Variants in RXFP1 observed in about 807,000 individuals in gnomAD.
RXFP1 encodes the protein relaxin receptor 1.
In RXFP1, 73 loss-of-function variants were observed where a neutral mutation model predicts 89.8. That is an observed-to-expected ratio of 0.81 (90% CI 0.67 to 0.99). RXFP1 has a LOEUF of 0.99. RXFP1 is among the 50% of genes least tolerant of loss of function. The pLI, the probability that RXFP1 is intolerant of heterozygous loss-of-function variation, is 0.00. For missense variants in RXFP1, 793 were observed against 895.5 expected (o/e 0.89, Z 1.46); for synonymous variants, 277 against 305.5 (o/e 0.91, Z 0.97).
intron 14 of RXFP1, 52 bp from the exon 15 acceptor site, chr4:158,644,857 G>A: frequency 8.4e-7 from 1 of 1,196,634 alleles, no homozygotes; most frequent in Non-Finnish European, 1.2e-6. Flanking sequence ...TGAATGTATG[G>A]TGACACTGAA....
chr4:158,595,456 C>A (rs1452703196), intron 3 of RXFP1, among the ~76,000 whole-genome samples: 3 of 152,108 alleles, frequency 2.0e-5, no homozygotes, highest in Non-Finnish European at 4.4e-5. Context: ...TTTCGTAAAA[C>A]CATTTAAGAT....
intron 12 of RXFP1, 68 bp downstream of exon 12, chr4:158,633,544 A>G (rs1768527954): frequency 6.0e-6 from 6 of 993,604 alleles, no homozygotes; most frequent in South Asian, 4.6e-5. Flanking sequence ...TAAAATATGC[A>G]TAACATAAAA....
intron 12 of RXFP1, among the ~76,000 whole-genome samples, chr4:158,636,308 A>G (rs978992385): frequency 7.2e-5 from 11 of 152,218 alleles, no homozygotes; most frequent in Admixed American, 5.2e-4. Flanking sequence ...ATTGTAAAAT[A>G]TATGATATAT....
At chr4:158,607,699 A>C (rs1345323908) in intron 5 of RXFP1, among the ~76,000 whole-genome samples, 1 of 152,216 alleles carries the variant, frequency 6.6e-6, no homozygotes, top group Non-Finnish European at 1.5e-5. Flanking sequence ...ATTGTACATA[A>C]ATTTAACAGA....
At chr4:158,636,175 G>A (rs1561180192) in intron 12 of RXFP1, among the ~76,000 whole-genome samples, 2 of 152,054 alleles carry the variant, frequency 1.3e-5, no homozygotes, top group Non-Finnish European at 2.9e-5. Flanking sequence ...AGGATCCCTT[G>A]AGCCCAGGAG....
At chr4:158,631,844 G>T (rs1768094741) in intron 11 of RXFP1, among the ~76,000 whole-genome samples, 1 of 152,210 alleles carries the variant, frequency 6.6e-6, no homozygotes, top group South Asian at 2.1e-4. Context: ...TGTAATCCCA[G>T]CACTTTGGGA....
intron 2 of RXFP1, among the ~76,000 whole-genome samples, chr4:158,591,136 T>A (rs1241647785): frequency 6.6e-6 from 1 of 152,158 alleles, no homozygotes. Context: ...CCTGGCTACT[T>A]AGGGTCTGGA....
In RXFP1 at chr4:158,617,220, CT is replaced by C. The variant is rs757633389; in HGVS notation, c.755+22del. The C allele has an allele frequency of 2.5e-6, 4 of 1,579,270 alleles. No homozygotes were observed. The highest frequency in any genetic ancestry group is 1.7e-6 in the Non-Finnish European group (2 of 1,158,850). The stretch of plus-strand genomic sequence containing the variant: ...CTACATTGGCTGTAAGCGATTCTGT[CT>C]TTTTTTAAAGAACTCAACTAAATTT... On this transcript the variant is annotated intron_variant, in intron 9 of 17. Coordinates refer to ENST00000307765, the MANE Select transcript of RXFP1 (RefSeq NM_021634.4).
intron 2 of RXFP1, among the ~76,000 whole-genome samples, chr4:158,592,009 C>G (rs1933705243): frequency 6.6e-6 from 1 of 152,154 alleles, no homozygotes; most frequent in Admixed American, 6.5e-5. Flanking sequence ...CACTAGTCCA[C>G]TCTATCACTT....
chr4:158,646,431 C>A, intron 15 of RXFP1: 1 of 1,192,488 alleles, frequency 8.4e-7, no homozygotes, highest in African/African-American at 1.6e-5. Flanking sequence ...TAATGCCATC[C>A]TCATCTGAGT....
chr4:158,612,490 T>C, intron 8 of RXFP1, 128 bp downstream of exon 8: 1 of 637,194 alleles, frequency 1.6e-6, no homozygotes, highest in South Asian at 2.4e-5. Context: ...ATGAAAAACC[T>C]TTTCTTAATC....
At chr4:158,587,691 TA>T (rs1316371001) in intron 2 of RXFP1, among the ~76,000 whole-genome samples, 1 of 152,168 alleles carries the variant, frequency 6.6e-6, no homozygotes, top group African/African-American at 2.4e-5. Flanking sequence ...TTATTTTTAA[TA>T]AATCTGTTTC....
intron 16 of RXFP1, 23 bp downstream of exon 16, chr4:158,647,224 T>C: frequency 6.6e-7 from 1 of 1,519,678 alleles, no homozygotes; most frequent in Non-Finnish European, 8.8e-7. Flanking sequence ...GAAACTAATG[T>C]TCACAAATTT....
chr4:158,632,668 AC>A (rs1015462093), intron 11 of RXFP1, among the ~76,000 whole-genome samples: 23 of 152,272 alleles, frequency 1.5e-4, no homozygotes, highest in African/African-American at 5.3e-4. Context: ...AAAGTATCCT[AC>A]CCCAGGATAA....
intron 11 of RXFP1, 76 bp downstream of exon 11, chr4:158,628,785 T>TAAAC: frequency 2.9e-6 from 2 of 695,912 alleles, no homozygotes; most frequent in Non-Finnish European, 4.7e-6. Flanking sequence ...CATGTGTTTA[T>TAAAC]ACATTTAAGA....
intron 3 of RXFP1, among the ~76,000 whole-genome samples, chr4:158,597,489 T>C (rs1286340405): frequency 6.6e-6 from 1 of 152,168 alleles, no homozygotes; most frequent in Non-Finnish European, 1.5e-5. Flanking sequence ...ATACAAACCA[T>C]TTTTATCAAA....
chr4:158,625,869 G>A (rs1005325252), intron 9 of RXFP1, among the ~76,000 whole-genome samples: 30 of 152,044 alleles, frequency 2.0e-4, no homozygotes, highest in African/African-American at 5.3e-4. Flanking sequence ...TTTAAGGGCC[G>A]GCATTTACTT....
chr4:158,601,414 C>A (rs145498979), intron 4 of RXFP1, among the ~76,000 whole-genome samples: 13 of 152,210 alleles, frequency 8.5e-5, no homozygotes, highest in African/African-American at 3.1e-4. Context: ...ATTAACAGGT[C>A]ACTCAGTGGA....
chr4:158,613,811 G>A (rs1449298926), intron 8 of RXFP1, among the ~76,000 whole-genome samples: 1 of 152,218 alleles, frequency 6.6e-6, no homozygotes, highest in Non-Finnish European at 1.5e-5. Flanking sequence ...AATGGTGAAT[G>A]CTTTCTAGAA....
Sources: gnomAD v4.1 joint callset for allele counts (sites outside exome capture counted in the v4.1 genomes callset) on GRCh38, gnomAD v4.1.1 for gene constraint, MANE v1.5 for transcripts, NCBI Gene and HGNC (gene_info 2026-07-23, HGNC 2026-07-21) for gene names.